NUDT2: variants seen among roughly 807,000 people sequenced by gnomAD.
NUDT2 encodes nudix hydrolase 2.
NUDT2 carries 12 observed loss-of-function variants against 14.2 expected under a neutral mutation model. The ratio of observed to expected loss-of-function variants is 0.84; its 90% CI spans 0.54 to 1.37. The LOEUF (loss-of-function observed/expected upper bound fraction) is 1.37, where lower values mean the gene tolerates loss of function less well. Ranked by LOEUF, NUDT2 falls within the 40% of genes most tolerant of loss-of-function variation. The probability of loss-of-function intolerance (pLI) is 0.00; values close to 1 mark genes in which losing one functional copy is unlikely to be tolerated. For missense variants in NUDT2, 167 were observed against 176.7 expected (o/e 0.95, Z 0.31); for synonymous variants, 67 against 67.4 (o/e 0.99, Z 0.03).
intron 2 of NUDT2, among the ~76,000 whole-genome samples, chr9:34,337,061 C>A (rs1332848872): frequency 6.7e-6 from 1 of 148,886 alleles, no homozygotes; most frequent in Non-Finnish European, 1.5e-5. Context: ...ATTCAGTGGC[C>A]CCGTCTCGGC....
chr9:34,336,734 A>C (rs537183194), intron 2 of NUDT2, among the ~76,000 whole-genome samples: 1 of 151,830 alleles, frequency 6.6e-6, no homozygotes, highest in Non-Finnish European at 1.5e-5. Flanking sequence ...TTGAGAGACA[A>C]GGTCTCACTG....
intron 1 of NUDT2, among the ~76,000 whole-genome samples, chr9:34,334,014 A>G (rs1432546576): frequency 1.3e-5 from 2 of 152,176 alleles, no homozygotes; most frequent in Non-Finnish European, 2.9e-5. Context: ...TTAATTGACA[A>G]CGCGGCATGA....
intron 4 of NUDT2, among the ~76,000 whole-genome samples, chr9:34,340,265 G>C (rs1033242645): frequency 1.1e-4 from 17 of 152,286 alleles, no homozygotes; most frequent in Non-Finnish European, 1.8e-4. Flanking sequence ...AACACAGAGA[G>C]TATGAGTTCT....
At chr9:34,337,367 T>C (rs1353702621) in intron 2 of NUDT2, among the ~76,000 whole-genome samples, 1 of 152,194 alleles carries the variant, frequency 6.6e-6, no homozygotes, top group African/African-American at 2.4e-5. Context: ...TGCTGGCTCT[T>C]AGGGAATGTG....
chr9:34,343,287 G>A lies in NUDT2; in HGVS notation c.291G>A (p.Glu97=), dbSNP rs557639783. The A allele has an allele frequency of 6.2e-7, 1 of 1,611,942 alleles. No individual in the cohort carries two copies. The highest frequency in any genetic ancestry group is 1.3e-5 in the African/African-American group (1 of 75,028). ...KPKTVIYWLA[E]VKDYDVEIRL... ...AAACAGTCATTTACTGGCTGGCGGA[G>A]GTGAAGGACTATGACGTGGAGATCC... Residue 97 remains glutamate, a synonymous_variant, in exon 5 of 5, where the codon GAG becomes GAA. Transcript: ENST00000379158.
intron 1 of NUDT2, among the ~76,000 whole-genome samples, chr9:34,330,131 C>T (rs1837854490): frequency 6.6e-6 from 1 of 152,224 alleles, no homozygotes; most frequent in Non-Finnish European, 1.5e-5. Context: ...AGGCCGGGTG[C>T]GGTGGCTCAC....
At chr9:34,340,326 G>A (rs1838200268) in intron 4 of NUDT2, among the ~76,000 whole-genome samples, 1 of 151,964 alleles carries the variant, frequency 6.6e-6, no homozygotes, top group South Asian at 2.1e-4. Flanking sequence ...AGAGAAGTTG[G>A]GCTCCCTGAT....
chr9:34,339,241 A>C (rs1436708578), intron 4 of NUDT2, 75 bp downstream of exon 4: 1 of 1,559,804 alleles, frequency 6.4e-7, no homozygotes, highest in East Asian at 2.3e-5. Flanking sequence ...GGCCCTCCCC[A>C]AGGCTTAATT....
chr9:34,332,932 A>G (rs927117451), intron 1 of NUDT2, among the ~76,000 whole-genome samples: 5 of 152,226 alleles, frequency 3.3e-5, no homozygotes, highest in African/African-American at 1.2e-4. Flanking sequence ...AAAAGGGAAG[A>G]AAGAAACTGG....
At position 34,334,002 on chromosome 9, in the gene NUDT2, G is replaced by A. The variant is rs1287411092; in HGVS notation, c.-264-2227G>A. Among the ~76,000 whole-genome samples the A allele has an allele frequency of 3.9e-5, 6 of 152,176 alleles. No homozygotes were observed. In the East Asian group the frequency reaches 1.2e-3, roughly 29 times the overall value. ...TATAGCTGGCACAGTATATATAGAT[G>A]CTTAATTGACAACGCGGCATGAAAC... is the stretch of plus-strand genomic sequence containing the variant. On this transcript the variant is annotated intron_variant, in intron 1 of 4. Transcript: ENST00000379158.
At chr9:34,330,406 A>G (rs1454528272) in intron 1 of NUDT2, among the ~76,000 whole-genome samples, 2 of 152,178 alleles carry the variant, frequency 1.3e-5, no homozygotes, top group African/African-American at 4.8e-5. Context: ...CTCCGTCTCA[A>G]AAACAAAACA....
intron 1 of NUDT2, among the ~76,000 whole-genome samples, chr9:34,335,141 G>A (rs943984977): frequency 6.6e-6 from 1 of 152,132 alleles, no homozygotes; most frequent in Non-Finnish European, 1.5e-5. Context: ...AGAGGGCTCC[G>A]GCTTCTCCAG....
At chr9:34,336,598 T>C (rs998708940) in intron 2 of NUDT2, among the ~76,000 whole-genome samples, 4 of 151,830 alleles carry the variant, frequency 2.6e-5, no homozygotes, top group East Asian at 1.9e-4. Context: ...CTGGAGTGCA[T>C]TGGTGCAAAC....
chr9:34,329,574 C>A lies in NUDT2; in HGVS notation c.-290C>A, dbSNP rs1444326465. 6.6e-6 allele frequency: 1 copy of A among 152,308 alleles called. No homozygotes were observed. Among genetic ancestry groups the A allele is most frequent in the Non-Finnish European group, 1.5e-5 (1 of 68,122 alleles). 9.4% of individuals were successfully genotyped at this position (152,308 alleles called of 1,614,324 possible). ...GTGTACTTCAGTTTCCGTCCAAGGT[C>A]CGCCTCCTACCTCCTTCTGCTTCGG... On this transcript the variant is annotated 5_prime_UTR_variant, in exon 1 of 5. Coordinates refer to ENST00000379158, the MANE Select transcript of NUDT2 (RefSeq NM_001161.5).
chr9:34,332,453 G>A (rs1401155934), intron 1 of NUDT2, among the ~76,000 whole-genome samples: 1 of 152,156 alleles, frequency 6.6e-6, no homozygotes, highest in African/African-American at 2.4e-5. Context: ...TTGGTGCTTG[G>A]TAGTATTCAG....
At position 34,338,710 on chromosome 9, in the gene NUDT2, C is replaced by G. The variant is rs566192163; in HGVS notation, c.-151-3C>G. The G allele has an allele frequency of 1.3e-4, 23 of 180,822 alleles. No individual in the cohort carries two copies. The highest frequency in any genetic ancestry group is 4.9e-4 in the African/African-American group (21 of 42,878). 11.2% of individuals were successfully genotyped at this position (180,822 alleles called of 1,614,324 possible). A position where few individuals can be genotyped will look rare whatever the true frequency, so the allele number is the denominator to read the frequency against. On this transcript the variant is annotated splice_polypyrimidine_tract_variant and splice_region_variant and intron_variant, in intron 2 of 4. Transcript: ENST00000379158. Reference sequence around the variant, plus strand: ...CCCATTCCCAACATCTCTCTTGTTTCAGTGCGTTTGCTTCTGAGGATCTCC... The same window carrying G: ...CCCATTCCCAACATCTCTCTTGTTTGAGTGCGTTTGCTTCTGAGGATCTCC...
intron 2 of NUDT2, among the ~76,000 whole-genome samples, chr9:34,338,384 T>C (rs970306037): frequency 7.3e-6 from 1 of 137,122 alleles, no homozygotes; most frequent in African/African-American, 2.7e-5. Context: ...GTGGCATGCC[T>C]GTAGTCCCAG....
intron 4 of NUDT2, among the ~76,000 whole-genome samples, chr9:34,341,330 C>T (rs1458636009): frequency 1.3e-5 from 2 of 152,170 alleles, no homozygotes; most frequent in Non-Finnish European, 2.9e-5. Flanking sequence ...CCATACACCT[C>T]TGAGGGGAGG....
chr9:34,332,372 T>G (rs1563971672), intron 1 of NUDT2, among the ~76,000 whole-genome samples: 1 of 152,198 alleles, frequency 6.6e-6, no homozygotes, highest in Non-Finnish European at 1.5e-5. Flanking sequence ...CATCTTACGT[T>G]GCACAAAACA....
Sources: gnomAD v4.1 joint callset for allele counts (sites outside exome capture counted in the v4.1 genomes callset) on GRCh38, gnomAD v4.1.1 for gene constraint, MANE v1.5 for transcripts, NCBI Gene and HGNC (gene_info 2026-07-23, HGNC 2026-07-21) for gene names.